The following MAP4K4 variants were observed in gnomAD, a reference collection of about 807,000 sequenced individuals.
MAP4K4 encodes mitogen-activated protein kinase kinase kinase kinase 4, also known as HPK/GCK-like kinase HGK.
In MAP4K4, 38 loss-of-function variants were observed where a neutral mutation model predicts 189.6. The observed-to-expected ratio is 0.20, with a 90% CI of 0.15 to 0.26. MAP4K4 has a LOEUF of 0.26. Among genes scored for constraint, MAP4K4 ranks in the 10% least tolerant of loss-of-function variants. The pLI, the probability that MAP4K4 is intolerant of heterozygous loss-of-function variation, is 1.00. For missense variants in MAP4K4, 1,054 were observed against 1,726.9 expected, an observed-to-expected ratio of 0.61 and a Z score of 6.91; for synonymous variants, 610 against 624.3, an observed-to-expected ratio of 0.98 and a Z score of 0.34.
intron 2 of MAP4K4, among the ~76,000 whole-genome samples, chr2:101,728,496 C>T (rs897316197): frequency 6.6e-6 from 1 of 152,146 alleles, no homozygotes; most frequent in East Asian, 1.9e-4. Context: ...ATACCCACCT[C>T]CTAGATTTTA....
At chr2:101,824,255 C>T (rs1157410108) in intron 4 of MAP4K4, among the ~76,000 whole-genome samples, 6 of 152,052 alleles carry the variant, frequency 3.9e-5, no homozygotes, top group Non-Finnish European at 8.8e-5. Flanking sequence ...GTCGATTTCA[C>T]ATTGCGTGGA....
intron 2 of MAP4K4, among the ~76,000 whole-genome samples, chr2:101,781,405 T>C (rs1406542601): frequency 6.6e-6 from 1 of 152,178 alleles, no homozygotes; most frequent in Admixed American, 6.5e-5. Context: ...CACCACAGAC[T>C]GAGTACTTTA....
Position 101,765,473 on chromosome 2 carries a change from C to T in MAP4K4, c.124-25247C>T, listed in dbSNP as rs187958540. ...GCCTCCCAAGTAGCTGGGAGGTGCG[C>T]GCCACCATGTGCAGCTAATTTTTGT... On this transcript the variant is annotated intron_variant, in intron 2 of 32. Transcript: ENST00000324219. 8.5e-5 allele frequency among the ~76,000 whole-genome samples: 13 copies of T among 152,050 alleles called. No homozygotes were observed. In the East Asian group the frequency reaches 1.5e-3, roughly 18 times the overall value.
chr2:101,700,443 G>C (rs1018435081), intron 2 of MAP4K4, among the ~76,000 whole-genome samples: 8 of 152,282 alleles, frequency 5.3e-5, no homozygotes, highest in African/African-American at 1.9e-4. Flanking sequence ...CTCTAATTAT[G>C]CAAACCTAGG....
At chr2:101,759,356 G>T (rs576452383) in intron 2 of MAP4K4, among the ~76,000 whole-genome samples, 1 of 151,984 alleles carries the variant, frequency 6.6e-6, no homozygotes, top group Non-Finnish European at 1.5e-5. Context: ...CTGAGTTGGC[G>T]GTCCTGAATT....
intron 2 of MAP4K4, among the ~76,000 whole-genome samples, chr2:101,752,531 CA>C (rs1448141552): frequency 2.6e-5 from 4 of 152,152 alleles, no homozygotes; most frequent in African/African-American, 9.7e-5. Context: ...TAGCTAAGCT[CA>C]CCCTGTGTAC....
At chr2:101,856,129 A>G (rs1167262424) in exon 13 of MAP4K4, 6 of 1,550,892 alleles carry the variant, frequency 3.9e-6, no homozygotes, top group Non-Finnish European at 5.2e-6. Flanking sequence ...GGAGAGTTGA[A>G]AGAGAACAGG....
At chr2:101,734,695 C>T (rs2059710292) in intron 2 of MAP4K4, among the ~76,000 whole-genome samples, 1 of 152,162 alleles carries the variant, frequency 6.6e-6, no homozygotes, top group African/African-American at 2.4e-5. Flanking sequence ...TGCTTTGTCT[C>T]TGTGAGCCAA....
rs151128895 is a variant in MAP4K4 at position 101,755,612 on chromosome 2, G to C, written c.124-35108G>C. 3.5e-3 allele frequency among the ~76,000 whole-genome samples: 532 copies of C among 152,016 alleles called. 2 individuals are homozygous for C. The highest frequency in any genetic ancestry group is 0.012 in the African/African-American group (517 of 41,478). ...GTCTGTCCCTCTCTCCTCCCTGCTA[G>C]CTGCACACTCTTTTCTTCTTCTTTC... On this transcript the variant is annotated intron_variant, in intron 2 of 32. Coordinates refer to ENST00000324219, the Ensembl canonical transcript of MAP4K4.
At chr2:101,827,704 G>A (rs765108794) in intron 5 of MAP4K4, among the ~76,000 whole-genome samples, 2 of 152,188 alleles carry the variant, frequency 1.3e-5, no homozygotes, top group Admixed American at 1.3e-4. Context: ...TTAGCAGCAG[G>A]CCAGCGTGTT....
chr2:101,818,326 G>A (rs140377071), intron 3 of MAP4K4, among the ~76,000 whole-genome samples: 9 of 152,116 alleles, frequency 5.9e-5, no homozygotes, highest in Non-Finnish European at 8.8e-5. Flanking sequence ...CATTTTATCC[G>A]TCCTCTCTCC....
At position 101,889,670 on chromosome 2, in the gene MAP4K4, A is replaced by G. The variant is rs141873379; in HGVS notation, c.4071+735A>G. Among the ~76,000 whole-genome samples the G allele has an allele frequency of 1.8e-3, 278 of 152,254 alleles. 3 individuals are homozygous for G. The highest frequency in any genetic ancestry group is 6.5e-3 in the African/African-American group (270 of 41,552). On this transcript the variant is annotated intron_variant, in intron 32 of 32. Transcript: ENST00000324219. ...TTTCTTTCTTCTGCCCAGTCAGACA[A>G]AGGCATGTCTGACTACCTAAGGCAA...
chr2:101,772,484 T>G (rs1388474941), intron 2 of MAP4K4, among the ~76,000 whole-genome samples: 1 of 152,226 alleles, frequency 6.6e-6, no homozygotes, highest in East Asian at 1.9e-4. Context: ...AATTTTGTTC[T>G]TTTTAAATTG....
At chr2:101,795,214 T>G (rs1040619117) in intron 3 of MAP4K4, among the ~76,000 whole-genome samples, 16 of 152,338 alleles carry the variant, frequency 1.1e-4, no homozygotes, top group African/African-American at 3.6e-4. Context: ...GGTGATACTT[T>G]GGCACTGTGT....
At chr2:101,787,628 G>T (rs1453490358) in intron 2 of MAP4K4, among the ~76,000 whole-genome samples, 1 of 151,970 alleles carries the variant, frequency 6.6e-6, no homozygotes, top group African/African-American at 2.4e-5. Context: ...AAAAACTCTT[G>T]GTGTAGCTTC....
chr2:101,876,418 G>A (rs2150123113), intron 26 of MAP4K4, among the ~76,000 whole-genome samples: 2 of 152,344 alleles, frequency 1.3e-5, no homozygotes, highest in Admixed American at 1.3e-4. Context: ...TATTTTGATA[G>A]TCCTAAGAAA....
intron 9 of MAP4K4, among the ~76,000 whole-genome samples, chr2:101,836,747 G>A (rs1379047731): frequency 1.3e-5 from 2 of 152,134 alleles, no homozygotes; most frequent in Non-Finnish European, 2.9e-5. Flanking sequence ...TAAACAGAAT[G>A]GTTTTATATT....
chr2:101,891,987 T>TAAAAAAAAAAAAAAAAAAAAAAAAAA, exon 33 of MAP4K4: 1 of 59,818 alleles, frequency 1.7e-5, no homozygotes, highest in Non-Finnish European at 2.8e-5. Context: ...CAGATGGTTC[T>TAAAAAAAAAAAAAAAAAAAAAAAAAA]AAAAAAAAAA....
rs754029393 is a variant in MAP4K4 at position 101,861,004 on chromosome 2, T to C, written c.1866+18T>C. 1 of 1,578,264 alleles carries C rather than the reference T, an allele frequency of 6.3e-7. No individual in the cohort carries two copies. On this transcript the variant is annotated intron_variant, in intron 16 of 32. Coordinates refer to ENST00000324219, the Ensembl canonical transcript of MAP4K4. ...AGCCACAGGTAGCGACAGCCAGCTT[T>C]GCTGTGGTTGAGGAGACTCATGCAA...
Sources: gnomAD v4.1 joint callset for allele counts (sites outside exome capture counted in the v4.1 genomes callset) on GRCh38, gnomAD v4.1.1 for gene constraint, MANE v1.5 for transcripts, NCBI Gene and HGNC (gene_info 2026-07-23, HGNC 2026-07-21) for gene names.